MYOF: variants seen among roughly 807,000 people sequenced by gnomAD.
The protein encoded by MYOF is fer-1-like 3, myoferlin.
MYOF carries 244 observed loss-of-function variants against 284.2 expected under a neutral mutation model. The observed-to-expected ratio is 0.86, with a 90% CI of 0.77 to 0.95. The LOEUF (loss-of-function observed/expected upper bound fraction) is 0.95, where lower values mean the gene tolerates loss of function less well. MYOF is among the 40% of genes least tolerant of loss of function. MYOF has a pLI of 0.00. For missense variants in MYOF, 2,496 were observed against 2,560.6 expected (o/e 0.97, Z 0.54); for synonymous variants, 904 against 919.7 (o/e 0.98, Z 0.31).
At chr10:93,332,442 G>A (rs934274610) in intron 43 of MYOF, among the ~76,000 whole-genome samples, 6 of 151,740 alleles carry the variant, frequency 4.0e-5, no homozygotes, top group Non-Finnish European at 5.9e-5. Context: ...GGCTGGTCTC[G>A]AACTCCTGAC....
At chr10:93,416,366 A>T (rs7085657) in intron 5 of MYOF, among the ~76,000 whole-genome samples, 10,187 of 151,584 alleles carry the variant, frequency 0.067, 909 homozygotes, top group African/African-American at 0.21. Flanking sequence ...ATAAAATTTA[A>T]AAAAAAAATT....
At chr10:93,419,663 A>G (rs1231404072) in intron 5 of MYOF, among the ~76,000 whole-genome samples, 2 of 152,182 alleles carry the variant, frequency 1.3e-5, no homozygotes, top group African/African-American at 4.8e-5. Context: ...CCTATATAAC[A>G]ATTTGGTCAA....
At chr10:93,320,263 C>A (rs2133755886) in intron 48 of MYOF, among the ~76,000 whole-genome samples, 1 of 152,290 alleles carries the variant, frequency 6.6e-6, no homozygotes, top group East Asian at 1.9e-4. Flanking sequence ...CTTCAGTTAA[C>A]AGGGCTAAGG....
intron 22 of MYOF, among the ~76,000 whole-genome samples, chr10:93,375,285 T>C (rs973301584): frequency 3.3e-5 from 5 of 152,224 alleles, no homozygotes; most frequent in Non-Finnish European, 5.9e-5. Flanking sequence ...CTTTCCCTTC[T>C]TTTGCTTCCT....
intron 48 of MYOF, among the ~76,000 whole-genome samples, chr10:93,322,778 G>T (rs80008887): frequency 1.2e-4 from 19 of 152,100 alleles, no homozygotes; most frequent in Non-Finnish European, 1.8e-4. Flanking sequence ...TGGCTAAAAC[G>T]TCCCAGAAAT....
At chr10:93,382,249 T>C (rs1396291499) in intron 19 of MYOF, among the ~76,000 whole-genome samples, 3 of 151,902 alleles carry the variant, frequency 2.0e-5, no homozygotes. Context: ...TCTATTTTCT[T>C]TTTTTTTGAG....
chr10:93,379,829 G>A, intron 21 of MYOF, 34 bp downstream of exon 21: 1 of 1,611,348 alleles, frequency 6.2e-7, no homozygotes, highest in South Asian at 1.1e-5. Context: ...CACCCTGCTT[G>A]GTGAAAAGGA....
intron 39 of MYOF, among the ~76,000 whole-genome samples, chr10:93,339,013 CTTTT>C (rs59509598): frequency 1.5e-5 from 2 of 131,400 alleles, no homozygotes; most frequent in African/African-American, 2.8e-5. Context: ...AAGGCTACCA[CTTTT>C]TTTTTTTTTT....
intron 7 of MYOF, among the ~76,000 whole-genome samples, chr10:93,404,679 G>T (rs558500890): frequency 6.6e-6 from 1 of 151,130 alleles, no homozygotes; most frequent in African/African-American, 2.4e-5. Flanking sequence ...AAGATCCAAG[G>T]TGACTTCATG....
At chr10:93,329,007 TATAGTGGGTGCAGAAA>T in intron 44 of MYOF, 96 bp from the exon 45 acceptor site, 1 of 1,291,456 alleles carries the variant, frequency 7.7e-7, no homozygotes, top group Non-Finnish European at 1.0e-6. Context: ...GGTGCTCCCA[TATAGTGGGTGCAGAAA>T]ATCTGCGCTA....
intron 4 of MYOF, among the ~76,000 whole-genome samples, chr10:93,430,197 G>A (rs1020129752): frequency 2.0e-4 from 31 of 151,938 alleles, no homozygotes; most frequent in African/African-American, 7.2e-4. Flanking sequence ...GCCTCCCAAA[G>A]TGCTGGGATT....
intron 5 of MYOF, 91 bp downstream of exon 5, chr10:93,425,980 G>T: frequency 1.5e-6 from 2 of 1,336,698 alleles, no homozygotes; most frequent in Non-Finnish European, 1.0e-6. Context: ...ACAGGCTTGT[G>T]ATCAATGGCA....
chr10:93,351,350 C>G, intron 34 of MYOF, 55 bp from the exon 35 acceptor site: 2 of 1,608,700 alleles, frequency 1.2e-6, no homozygotes, highest in Non-Finnish European at 1.7e-6. Context: ...GCAAACAGTG[C>G]CTAGAATTAA....
chr10:93,359,985 C>A lies in MYOF; in HGVS notation c.2975-7G>T. 6.2e-7 allele frequency: 1 copy of A among 1,614,100 alleles called. No homozygotes were observed. The highest frequency in any genetic ancestry group is 8.5e-7 in the Non-Finnish European group (1 of 1,179,992). ...GTGATTCCATATTCCCAGCCTGGAA[C>A]AGAGTTTGTGAATGGTTACCCAGAA... On this transcript the variant is annotated splice_polypyrimidine_tract_variant and splice_region_variant and intron_variant, in intron 28 of 53. Transcript: ENST00000359263.
intron 31 of MYOF, among the ~76,000 whole-genome samples, chr10:93,354,923 C>A (rs901567984): frequency 6.6e-6 from 1 of 152,172 alleles, no homozygotes; most frequent in Non-Finnish European, 1.5e-5. Context: ...AGGTCCTAGC[C>A]CATGCTAAGA....
At position 93,369,723 on chromosome 10, in the gene MYOF, G is replaced by A. The variant is rs1444053972; in HGVS notation, c.2511C>T (p.Asn837=). The A allele has an allele frequency of 1.9e-6, 3 of 1,614,184 alleles. No individual in the cohort carries two copies. In the East Asian group the frequency reaches 6.7e-5, roughly 36 times the overall value. ...GPKVPVELRV[N]IWLGLSAVEK... ...CCACAGCACTTAAGCCTAGCCAGAT[G>A]TTCACTCGCAACTCCACAGGCACCT... Residue 837 remains asparagine (N), a synonymous_variant, in exon 25 of 54, where the codon AAC becomes AAT. Coordinates refer to ENST00000359263, the MANE Select transcript of MYOF (RefSeq NM_013451.4).
In MYOF at chr10:93,403,037, A is replaced by G. The variant is rs998395801; in HGVS notation, c.844-147T>C. ...AACATTTCCGTCTTATCCTCTCTGT[A>G]TCCCCAGTGCCTTGTCTGATGTGTG... On this transcript the variant is annotated intron_variant, in intron 9 of 53. Coordinates refer to ENST00000359263, the MANE Select transcript of MYOF (RefSeq NM_013451.4). 1.0e-4 allele frequency: 70 copies of G among 676,846 alleles called. No homozygotes were observed. The East Asian group carries it at 2.0e-3, about 19-fold the overall frequency. The allele number at this position is 676,846 out of a possible 1,614,324, so 41.9% of individuals were successfully genotyped here. A position where few individuals can be genotyped will look rare whatever the true frequency, so the allele number is the denominator to read the frequency against.
chr10:93,343,872 G>T lies in MYOF; in HGVS notation c.4310C>A (p.Pro1437Gln), dbSNP rs768265947. 3 of 1,614,058 alleles carry T rather than the reference G, an allele frequency of 1.9e-6. No homozygotes were observed. The highest frequency in any genetic ancestry group is 2.5e-6 in the Non-Finnish European group (3 of 1,180,022). ...GAAGCCTACCTTAGAAGCCAGTAATGGTTTGGTGTCTTCCATTTCGATAAC... is the reference window on the plus strand; with the variant it reads ...GAAGCCTACCTTAGAAGCCAGTAATTGTTTGGTGTCTTCCATTTCGATAAC... Reference protein sequence around the residue: ...DIVIEMEDTKPLLASKLTEKE... With the variant: ...DIVIEMEDTKQLLASKLTEKE... Residue 1437 changes from proline (P) to glutamine (Q), a missense_variant, in exon 38 of 54, where the codon CCA becomes CAA. Transcript: ENST00000359263.
chr10:93,470,462 A>G (rs1351486065), intron 1 of MYOF, among the ~76,000 whole-genome samples: 1 of 151,520 alleles, frequency 6.6e-6, no homozygotes, highest in Non-Finnish European at 1.5e-5. Context: ...GTGCAGTGGC[A>G]CGATCTCGGC....
Sources: allele counts gnomAD v4.1 joint callset (sites outside exome capture counted in the v4.1 genomes callset), GRCh38; gene constraint gnomAD v4.1.1; transcripts MANE v1.5; gene names NCBI Gene and HGNC (gene_info 2026-07-23, HGNC 2026-07-21).